KLHL1: variants seen among roughly 807,000 people sequenced by gnomAD.
KLHL1 encodes kelch like family member 1, also known as kelch-like protein 1.
A neutral mutation model predicts 77.7 loss-of-function variants in KLHL1; 47 were observed. The ratio of observed to expected loss-of-function variants is 0.60; its 90% CI spans 0.48 to 0.77. The LOEUF (loss-of-function observed/expected upper bound fraction) is 0.77. Among genes scored for constraint, KLHL1 ranks in the 30% least tolerant of loss-of-function variants. The pLI, the probability that KLHL1 is intolerant of heterozygous loss-of-function variation, is 0.00. For missense variants in KLHL1, 925 were observed against 910.8 expected (o/e 1.02, Z -0.20); for synonymous variants, 360 against 325.2 (o/e 1.11, Z -1.15).
intron 8 of KLHL1, among the ~76,000 whole-genome samples, chr13:69,732,314 G>A (rs1031694414): frequency 2.6e-5 from 4 of 152,080 alleles, no homozygotes; most frequent in African/African-American, 7.2e-5. Context: ...TTAAACAAAC[G>A]AGTCTCAATA....
intron 6 of KLHL1, among the ~76,000 whole-genome samples, chr13:69,819,617 C>CA (rs34373404): frequency 0.15 from 20,433 of 140,096 alleles, 2,833 homozygotes; most frequent in African/African-American, 0.37. Flanking sequence ...GGAGGTAATG[C>CA]AAAAAAAAAA....
chr13:69,910,827 G>A (rs1168490029), intron 4 of KLHL1, among the ~76,000 whole-genome samples: 3 of 152,094 alleles, frequency 2.0e-5, no homozygotes, highest in Non-Finnish European at 4.4e-5. Context: ...CTGATAAGAT[G>A]TTATAATTAG....
At chr13:69,817,912 AT>A (rs1406779781) in intron 6 of KLHL1, among the ~76,000 whole-genome samples, 1 of 152,158 alleles carries the variant, frequency 6.6e-6, no homozygotes, top group African/African-American at 2.4e-5. Flanking sequence ...ATGTACAATG[AT>A]GAGGTTCAAA....
intron 7 of KLHL1, among the ~76,000 whole-genome samples, chr13:69,769,580 A>AT (rs2137979609): frequency 6.6e-6 from 1 of 152,096 alleles, no homozygotes; most frequent in East Asian, 1.9e-4. Flanking sequence ...TCCAGATTGT[A>AT]TTTTTCTGAA....
intron 7 of KLHL1, among the ~76,000 whole-genome samples, chr13:69,771,279 A>AG (rs200452178): frequency 3.5e-4 from 52 of 149,794 alleles, no homozygotes; most frequent in African/African-American, 1.2e-3. Context: ...CAACTTTCAA[A>AG]AAAAAAAAAA....
chr13:69,768,949 G>A (rs1204907268), intron 7 of KLHL1, among the ~76,000 whole-genome samples: 5 of 152,106 alleles, frequency 3.3e-5, no homozygotes, highest in African/African-American at 1.2e-4. Context: ...TTCATGTAAT[G>A]CAGTTTTTAT....
intron 4 of KLHL1, among the ~76,000 whole-genome samples, chr13:69,910,795 AT>A (rs1236500169): frequency 5.3e-5 from 8 of 152,262 alleles, no homozygotes; most frequent in African/African-American, 1.9e-4. Context: ...AAAATGGTTC[AT>A]TTAACTAATT....
chr13:70,055,049 G>T (rs1284330870), intron 1 of KLHL1, among the ~76,000 whole-genome samples: 1 of 151,844 alleles, frequency 6.6e-6, no homozygotes, highest in Admixed American at 6.6e-5. Context: ...CCTCGAGAAA[G>T]ATACCAATAT....
intron 5 of KLHL1, among the ~76,000 whole-genome samples, chr13:69,845,919 A>G (rs1335104155): frequency 1.3e-5 from 2 of 151,478 alleles, no homozygotes. Context: ...AAAAGTCAAT[A>G]TTTGAGGTTT....
At chr13:69,947,026 TGTTGTG>T (rs1054344714) in intron 3 of KLHL1, among the ~76,000 whole-genome samples, 5 of 103,504 alleles carry the variant, frequency 4.8e-5, no homozygotes, top group East Asian at 5.8e-4. Flanking sequence ...TGTGTGTGTG[TGTTGTG>T]TGTGTGTGTG....
chr13:69,933,881 A>C (rs1008031527), intron 4 of KLHL1, among the ~76,000 whole-genome samples: 1 of 152,094 alleles, frequency 6.6e-6, no homozygotes, highest in Non-Finnish European at 1.5e-5. Flanking sequence ...ATTTGTCTGA[A>C]GGAATTCATA....
At chr13:70,059,754 A>G (rs1397436601) in intron 1 of KLHL1, among the ~76,000 whole-genome samples, 2 of 152,222 alleles carry the variant, frequency 1.3e-5, no homozygotes, top group Admixed American at 1.3e-4. Context: ...AGGAGGCCTC[A>G]GGAAACTTAA....
chr13:70,070,767 G>C (rs896056627), intron 1 of KLHL1, among the ~76,000 whole-genome samples: 1 of 152,062 alleles, frequency 6.6e-6, no homozygotes, highest in Admixed American at 6.6e-5. Flanking sequence ...CTAACTAACT[G>C]ATAATGATGT....
At chr13:69,812,028 T>C (rs930118809) in intron 6 of KLHL1, among the ~76,000 whole-genome samples, 1 of 152,174 alleles carries the variant, frequency 6.6e-6, no homozygotes, top group African/African-American at 2.4e-5. Flanking sequence ...CTGCTTTCTC[T>C]TGTGGGCGTT....
intron 4 of KLHL1, among the ~76,000 whole-genome samples, chr13:69,939,378 T>TATATATATATAC (rs1200160699): frequency 3.8e-4 from 27 of 70,784 alleles, no homozygotes; most frequent in African/African-American, 1.6e-3. Context: ...TATATATATA[T>TATATATATATAC]ACACACACAC....
chr13:70,054,293 C>T (rs1001524668), intron 1 of KLHL1, among the ~76,000 whole-genome samples: 3 of 151,900 alleles, frequency 2.0e-5, no homozygotes, highest in Admixed American at 1.3e-4. Context: ...TAATACAAAT[C>T]GAATTTTTAC....
At chr13:70,001,646 ATATC>A (rs146079740) in intron 1 of KLHL1, among the ~76,000 whole-genome samples, 7 of 129,418 alleles carry the variant, frequency 5.4e-5, no homozygotes, top group Admixed American at 3.3e-4. Flanking sequence ...AAACATTGGG[ATATC>A]TATCTATTAT....
At chr13:69,916,945 A>T (rs1489422252) in intron 4 of KLHL1, among the ~76,000 whole-genome samples, 1 of 152,094 alleles carries the variant, frequency 6.6e-6, no homozygotes, top group African/African-American at 2.4e-5. Flanking sequence ...AAACGTGCAG[A>T]AGAGTGTGTA....
At position 69,837,679 on chromosome 13, in the gene KLHL1, T is replaced by TACAC. The variant is rs1566309211; in HGVS notation, c.1414+1296_1414+1297insGTGT. On this transcript the variant is annotated intron_variant, in intron 6 of 10. Coordinates refer to ENST00000377844, the MANE Select transcript of KLHL1 (RefSeq NM_020866.3). ...ATATGTGTGTGTGTGTGTATATATATATATATATACACATATATATATAGA... is the reference window on the plus strand; with the variant it reads ...ATATGTGTGTGTGTGTGTATATATATACACATATATATACACATATATATATAGA... 2.5e-4 allele frequency among the ~76,000 whole-genome samples: 36 copies of TACAC among 143,400 alleles called. 2 individuals are homozygous for TACAC. The highest frequency in any genetic ancestry group is 8.9e-4 in the African/African-American group (33 of 36,980). The allele number at this position is 143,400 out of a possible 152,430, so 94.1% of individuals were successfully genotyped here.
Sources: allele counts gnomAD v4.1 joint callset (sites outside exome capture counted in the v4.1 genomes callset), GRCh38; gene constraint gnomAD v4.1.1; transcripts MANE v1.5; gene names NCBI Gene and HGNC (gene_info 2026-07-23, HGNC 2026-07-21).